Variants in PARVA observed in about 807,000 individuals in gnomAD.
PARVA encodes parvin alpha.
A neutral mutation model predicts 52.6 loss-of-function variants in PARVA; 25 were observed. The ratio of observed to expected loss-of-function variants is 0.48; its 90% confidence interval spans 0.35 to 0.66. The LOEUF (loss-of-function observed/expected upper bound fraction) is 0.66. PARVA is among the 30% of genes least tolerant of loss of function. The pLI is 0.01. For missense variants in PARVA, 373 were observed against 450.9 expected (o/e 0.83, Z 1.56); for synonymous variants, 185 against 179.1 (o/e 1.03, Z -0.26).
chr11:12,412,906 C>CT (rs1392888825), intron 1 of PARVA, among the ~76,000 whole-genome samples: 46 of 152,016 alleles, frequency 3.0e-4, no homozygotes, highest in Admixed American at 1.1e-3. Context: ...AATCTCAGGG[C>CT]TTTTCTTTTG....
At chr11:12,467,622 G>A (rs1435461961) in intron 1 of PARVA, among the ~76,000 whole-genome samples, 1 of 152,184 alleles carries the variant, frequency 6.6e-6, no homozygotes, top group African/African-American at 2.4e-5. Flanking sequence ...GCTGCCAAGA[G>A]CTTCTGTATA....
intron 1 of PARVA, among the ~76,000 whole-genome samples, chr11:12,434,485 T>TG (rs982103701): frequency 8.5e-5 from 13 of 152,198 alleles, no homozygotes; most frequent in African/African-American, 3.1e-4. Flanking sequence ...CTCCCAGCCT[T>TG]GGAGTTCCTC....
chr11:12,406,872 A>G (rs1424716285), intron 1 of PARVA, among the ~76,000 whole-genome samples: 5 of 151,848 alleles, frequency 3.3e-5, no homozygotes, highest in Admixed American at 6.6e-5. Flanking sequence ...GGGTTTCACC[A>G]TGTTAGCCAG....
At position 12,496,558 on chromosome 11, in the gene PARVA, C is replaced by G. The variant is rs774844111; in HGVS notation, c.501C>G (p.Thr167=). The stretch of plus-strand genomic sequence containing the variant: ...CTGTCCTGGAGAAGATCAATGAAAC[C>G]CTGAAACTTCCTCCCAGGAGCATCA... ...LQTVLEKINE[T]LKLPPRSIKW... is the part of the protein sequence containing the mutation. Residue 167 remains threonine (T), a synonymous_variant, in exon 5 of 13, where the codon ACC becomes ACG. Transcript: ENST00000334956. The G allele has an allele frequency of 6.2e-7, 1 of 1,612,042 alleles. No individual in the cohort carries two copies. The highest frequency in any genetic ancestry group is 1.1e-5 in the South Asian group (1 of 90,248).
intron 1 of PARVA, among the ~76,000 whole-genome samples, chr11:12,436,332 AGAGAATTAGCAGAACTG>A (rs1940388390): frequency 2.6e-5 from 4 of 152,162 alleles, no homozygotes; most frequent in African/African-American, 7.2e-5. Flanking sequence ...AGTTGAAGGG[AGAGAATTAGCAGAACTG>A]GTTGCTGGTC....
At chr11:12,395,443 G>C (rs932861680) in intron 1 of PARVA, among the ~76,000 whole-genome samples, 2 of 152,154 alleles carry the variant, frequency 1.3e-5, no homozygotes, top group African/African-American at 4.8e-5. Context: ...TCAGTGCCGG[G>C]AGAATCGGGC....
chr11:12,515,868 C>T (rs919202812), intron 10 of PARVA, among the ~76,000 whole-genome samples: 2 of 152,190 alleles, frequency 1.3e-5, no homozygotes, highest in Non-Finnish European at 1.5e-5. Context: ...CAGGGTCTTA[C>T]TCCTGTCATG....
chr11:12,490,696 A>G (rs965796567), intron 4 of PARVA, among the ~76,000 whole-genome samples: 1 of 152,206 alleles, frequency 6.6e-6, no homozygotes, highest in Non-Finnish European at 1.5e-5. Context: ...TGGTGGGTAG[A>G]TCAAAGCCAT....
Position 12,534,797 on chromosome 11 carries a change from G to A in PARVA, c.*6872G>A, listed in dbSNP as rs1191559836. On this transcript the variant is annotated 3_prime_UTR_variant, in exon 13 of 13. Coordinates refer to ENST00000334956, the MANE Select transcript of PARVA (RefSeq NM_018222.5). ...TGGAAACCCTGTCAAAGGCCTTACC[G>A]CCTGCCTGGAGAAACACAGTGCCTG... Among the ~76,000 whole-genome samples, 7 of 152,206 alleles carry A rather than the reference G, an allele frequency of 4.6e-5. No homozygotes were observed. The highest frequency in any genetic ancestry group is 2.0e-4 in the Admixed American group (3 of 15,278).
chr11:12,515,900 G>A (rs1240095233), intron 10 of PARVA, among the ~76,000 whole-genome samples: 8 of 152,196 alleles, frequency 5.3e-5, no homozygotes, highest in East Asian at 1.9e-4. Flanking sequence ...GCAGTGGCAC[G>A]ATCACGGCTT....
chr11:12,494,191 T>G (rs914842449), intron 4 of PARVA, among the ~76,000 whole-genome samples: 1 of 152,216 alleles, frequency 6.6e-6, no homozygotes, highest in Non-Finnish European at 1.5e-5. Flanking sequence ...CTCCAGCACC[T>G]TTATATATTT....
At chr11:12,419,298 A>C (rs2134982542) in intron 1 of PARVA, among the ~76,000 whole-genome samples, 1 of 149,002 alleles carries the variant, frequency 6.7e-6, no homozygotes, top group South Asian at 2.1e-4. Context: ...AGGCCCCAGC[A>C]GCCAATATCC....
intron 12 of PARVA, among the ~76,000 whole-genome samples, chr11:12,522,758 G>T (rs576208890): frequency 6.9e-4 from 103 of 148,842 alleles, no homozygotes; most frequent in Non-Finnish European, 6.4e-4. Context: ...ATTATAGTTG[G>T]ATAATTATAG....
chr11:12,491,945 A>G (rs1193667758), intron 4 of PARVA, among the ~76,000 whole-genome samples: 4 of 152,202 alleles, frequency 2.6e-5, no homozygotes, highest in Non-Finnish European at 5.9e-5. Flanking sequence ...AATCTCAACA[A>G]ATTAGCATAC....
intron 1 of PARVA, among the ~76,000 whole-genome samples, chr11:12,399,601 C>T (rs987598287): frequency 2.0e-5 from 3 of 152,250 alleles, no homozygotes; most frequent in Non-Finnish European, 4.4e-5. Flanking sequence ...GCAGATCACA[C>T]TCTGTGTAGC....
chr11:12,406,895 C>T (rs2134970552), intron 1 of PARVA, among the ~76,000 whole-genome samples: 1 of 152,162 alleles, frequency 6.6e-6, no homozygotes, highest in Middle Eastern at 3.4e-3. Context: ...TCGTCTCGAT[C>T]TCCTGACCTC....
intron 4 of PARVA, among the ~76,000 whole-genome samples, chr11:12,486,850 C>T (rs1017019952): frequency 1.1e-4 from 16 of 152,050 alleles, no homozygotes; most frequent in African/African-American, 3.6e-4. Context: ...TGTCTCAAAA[C>T]AATAAATAAA....
intron 1 of PARVA, among the ~76,000 whole-genome samples, chr11:12,460,014 A>G (rs1940755369): frequency 6.6e-6 from 1 of 152,206 alleles, no homozygotes; most frequent in Admixed American, 6.5e-5. Flanking sequence ...ATGCAAGATT[A>G]TTCTCCATTA....
At chr11:12,377,994 C>G (rs1361937541) in intron 1 of PARVA, among the ~76,000 whole-genome samples, 2 of 148,428 alleles carry the variant, frequency 1.3e-5, no homozygotes, top group African/African-American at 2.4e-5. Flanking sequence ...ATCGAGGCCA[C>G]CCCGCCCGCT....
Sources: gnomAD v4.1 joint callset for allele counts (sites outside exome capture counted in the v4.1 genomes callset) on GRCh38, gnomAD v4.1.1 for gene constraint, MANE v1.5 for transcripts, NCBI Gene and HGNC (gene_info 2026-07-23, HGNC 2026-07-21) for gene names.